The following LAMA1 variants were observed in gnomAD, a reference collection of about 807,000 sequenced individuals.
LAMA1 encodes the protein laminin subunit alpha 1.
A neutral mutation model predicts 348.7 loss-of-function variants in LAMA1; 219 were observed. The ratio of observed to expected loss-of-function variants is 0.63; its 90% CI spans 0.56 to 0.70. The LOEUF is 0.70. Among genes scored for constraint, LAMA1 ranks in the 30% least tolerant of loss-of-function variants. The pLI is 0.00. For missense variants in LAMA1, 3,744 were observed against 3,888.0 expected (o/e 0.96, Z 0.99); for synonymous variants, 1,487 against 1,491.0 (o/e 1.00, Z 0.06).
At chr18:7,085,632 A>C (rs377160675) in intron 1 of LAMA1, among the ~76,000 whole-genome samples, 12 of 151,948 alleles carry the variant, frequency 7.9e-5, no homozygotes, top group East Asian at 7.8e-4. Flanking sequence ...GTTAGCCAGG[A>C]TGGTCTCGAT....
At chr18:6,974,579 C>G (rs957032373) in intron 46 of LAMA1, among the ~76,000 whole-genome samples, 4 of 151,300 alleles carry the variant, frequency 2.6e-5, no homozygotes, top group African/African-American at 7.3e-5. Flanking sequence ...GCCTCAGTCT[C>G]TTGAGTAGCT....
chr18:7,074,111 A>C (rs897940544), intron 3 of LAMA1, among the ~76,000 whole-genome samples: 3 of 151,614 alleles, frequency 2.0e-5, no homozygotes, highest in Non-Finnish European at 1.5e-5. Context: ...GGGATTACAG[A>C]CATGAGCCAC....
intron 36 of LAMA1, among the ~76,000 whole-genome samples, chr18:6,990,711 C>T (rs778294746): frequency 3.3e-5 from 5 of 152,172 alleles, no homozygotes; most frequent in South Asian, 2.1e-4. Flanking sequence ...ACTTAGATCT[C>T]GTTTCCCCGC....
intron 32 of LAMA1, among the ~76,000 whole-genome samples, chr18:6,998,176 C>T (rs551385373): frequency 6.6e-6 from 1 of 152,170 alleles, no homozygotes; most frequent in South Asian, 2.1e-4. Context: ...GCCCAGTAAG[C>T]AAAAGGGTCT....
At chr18:6,982,328 G>A (rs2057715401) in intron 41 of LAMA1, among the ~76,000 whole-genome samples, 169 bp downstream of exon 41, 1 of 152,164 alleles carries the variant, frequency 6.6e-6, no homozygotes, top group East Asian at 1.9e-4. Flanking sequence ...TTATATGATA[G>A]GAAGTTTATA....
intron 1 of LAMA1, among the ~76,000 whole-genome samples, chr18:7,092,895 T>G (rs1435937978): frequency 6.6e-6 from 1 of 152,146 alleles, no homozygotes; most frequent in African/African-American, 2.4e-5. Flanking sequence ...AAGGTCTCCA[T>G]GTGAATCAAT....
At chr18:7,052,061 G>A (rs748849410) in intron 3 of LAMA1, among the ~76,000 whole-genome samples, 1 of 152,184 alleles carries the variant, frequency 6.6e-6, no homozygotes, top group Non-Finnish European at 1.5e-5. Flanking sequence ...ACGCTATGGT[G>A]CATGCAGACC....
intron 45 of LAMA1, 50 bp from the exon 46 acceptor site, chr18:6,975,086 C>A (rs756565542): frequency 1.3e-6 from 2 of 1,596,126 alleles, no homozygotes; most frequent in South Asian, 2.2e-5. Context: ...GGACTGTTTG[C>A]TGACCACCAC....
chr18:7,022,612 G>C (rs1273950043), intron 19 of LAMA1, among the ~76,000 whole-genome samples: 4 of 152,152 alleles, frequency 2.6e-5, no homozygotes, highest in Non-Finnish European at 5.9e-5. Flanking sequence ...CCTCCGGCCA[G>C]GTCATCTGCT....
At chr18:6,957,785 CTTTTT>C (rs58835769) in intron 55 of LAMA1, among the ~76,000 whole-genome samples, 1 of 150,760 alleles carries the variant, frequency 6.6e-6, no homozygotes, top group Non-Finnish European at 1.5e-5. Flanking sequence ...GCTTCCAGTT[CTTTTT>C]TTTTCTGAGA....
At chr18:7,078,294 G>A (rs1323572866) in intron 3 of LAMA1, among the ~76,000 whole-genome samples, 1 of 151,188 alleles carries the variant, frequency 6.6e-6, no homozygotes, top group Non-Finnish European at 1.5e-5. Context: ...AGCCTCCCGA[G>A]TAGCTGGGAC....
rs35235323 is a variant in LAMA1 at position 7,019,674 on chromosome 18, C to CTTT, written c.2702-2293_2702-2291dup. Reference sequence around the variant, plus strand: ...TGCAGTAATAATTATTATGGTAATTCTTTTTTTTTTTTTTTTTTTTTTTTT... The same window carrying CTTT: ...TGCAGTAATAATTATTATGGTAATTCTTTTTTTTTTTTTTTTTTTTTTTTTTTT... On this transcript the variant is annotated intron_variant, in intron 19 of 62. Coordinates refer to ENST00000389658, the MANE Select transcript of LAMA1 (RefSeq NM_005559.4). 1.7e-3 allele frequency among the ~76,000 whole-genome samples: 165 copies of CTTT among 94,536 alleles called. 2 individuals carry two copies. Among genetic ancestry groups the CTTT allele is most frequent in the Non-Finnish European group, 2.4e-3 (125 of 52,064 alleles). 62.0% of individuals were successfully genotyped at this position (94,536 alleles called of 152,430 possible).
chr18:7,006,277 C>T (rs2057831368), intron 29 of LAMA1, among the ~76,000 whole-genome samples: 1 of 152,020 alleles, frequency 6.6e-6, no homozygotes, highest in Non-Finnish European at 1.5e-5. Flanking sequence ...TCCATGTGTC[C>T]CCGAGACCAA....
chr18:7,073,416 C>A, intron 3 of LAMA1, among the ~76,000 whole-genome samples: 1 of 152,154 alleles, frequency 6.6e-6, no homozygotes, highest in Non-Finnish European at 1.5e-5. Context: ...TCCCCATTCT[C>A]TCTCCTCCCA....
At chr18:7,085,489 G>A (rs1186721442) in intron 1 of LAMA1, among the ~76,000 whole-genome samples, 1 of 131,160 alleles carries the variant, frequency 7.6e-6, no homozygotes, top group Non-Finnish European at 1.5e-5. Context: ...CACGATCTCC[G>A]CTCACTGCAA....
At chr18:7,117,414 A>AC (rs2058362043) in intron 1 of LAMA1, among the ~76,000 whole-genome samples, 1 of 151,708 alleles carries the variant, frequency 6.6e-6, no homozygotes, top group Non-Finnish European at 1.5e-5. Context: ...CTGGGCTTTA[A>AC]CCCCAAAGCC....
intron 45 of LAMA1, 119 bp from the exon 46 acceptor site, chr18:6,975,155 A>G: frequency 8.3e-7 from 1 of 1,199,786 alleles, no homozygotes; most frequent in South Asian, 1.6e-5. Context: ...TAAATACATA[A>G]AAAGCAAACC....
rs767328869 is a variant in LAMA1 at position 6,997,872 on chromosome 18, T to C, written c.4676A>G (p.Glu1559Gly). The stretch of plus-strand genomic sequence containing the variant: ...GTCATTCAGCAGCACACCTACACAC[T>C]CATCATCACAGGCTACAAGACAAAT... ...METDCVSCDD[E>G]CVGVLLNDLD... Residue 1559 changes from glutamate to glycine, a missense_variant, in exon 33 of 63, where the codon GAG (glutamate) becomes GGG (glycine). By Grantham distance (98) the Glu-to-Gly change is moderately conservative. This residue lies in a region of LAMA1 where 1,983 missense variants were observed against 1,934.3 expected (regional missense o/e 1.03). Transcript: ENST00000389658. The C allele has an allele frequency of 5.0e-6, 8 of 1,613,956 alleles. No individual in the cohort carries two copies. The highest frequency in any genetic ancestry group is 1.6e-4 in the Middle Eastern group (1 of 6,082).
At chr18:7,050,580 T>C in intron 4 of LAMA1, 114 bp downstream of exon 4, 1 of 1,462,928 alleles carries the variant, frequency 6.8e-7, no homozygotes, top group Admixed American at 1.7e-5. Flanking sequence ...CCACTTTAAA[T>C]AGAGCTAGAT....
Sources: allele counts gnomAD v4.1 joint callset (sites outside exome capture counted in the v4.1 genomes callset), GRCh38; gene constraint gnomAD v4.1.1; regional missense constraint gnomAD v4.1.1; transcripts MANE v1.5; gene names NCBI Gene and HGNC (gene_info 2026-07-23, HGNC 2026-07-21).